The following ECI2 variants were observed in gnomAD, a reference collection of about 807,000 sequenced individuals.
The protein encoded by ECI2 is D3,D2-enoyl-CoA isomerase.
In ECI2, 27 loss-of-function variants were observed where a neutral mutation model predicts 38.4. That is an observed-to-expected ratio of 0.70 (90% confidence interval 0.52 to 0.97). The LOEUF is 0.97. ECI2 is among the 50% of genes least tolerant of loss of function. The pLI, the probability that ECI2 is intolerant of heterozygous loss-of-function variation, is 0.00. For synonymous variants in ECI2, 168 were observed against 172.0 expected (o/e 0.98, Z 0.18); for missense variants, 470 against 474.4 (o/e 0.99, Z 0.09).
rs112240029 is a variant in ECI2, at chr6:4,133,397, C to CAT, written c.213+150_213+151dup. The stretch of plus-strand genomic sequence containing the variant: ...TTCAAGGTCTAATATAAAAAACTGG[C>CAT]ATATATATATATACACACACACACT... On this transcript the variant is annotated intron_variant, in intron 2 of 9. Transcript: ENST00000380118. The CAT allele has an allele frequency of 4.0e-3, 3,051 of 766,146 alleles. 10 individuals carry two copies. The highest frequency in any genetic ancestry group is 0.015 in the African/African-American group (823 of 55,804). 47.5% of individuals were successfully genotyped at this position (766,146 alleles called of 1,614,324 possible). A position where few individuals can be genotyped will look rare whatever the true frequency, so the allele number is the denominator to read the frequency against.
At chr6:4,135,449 T>G in intron 1 of ECI2, 62 bp downstream of exon 1, 2 of 1,607,304 alleles carry the variant, frequency 1.2e-6, no homozygotes, top group African/African-American at 1.3e-5. Context: ...GCGGCGACCT[T>G]CGCCTGGACA....
rs186362845 is a variant in ECI2 at position 4,126,966 on chromosome 6, A to C, written c.572-729T>G. On this transcript the variant is annotated intron_variant, in intron 5 of 9. Transcript: ENST00000380118. ...AAAAGTTTCCCGTAGGCTCCTTCCT[A>C]GCTATCCCACCCCACCTGCTCCAAG... Among the ~76,000 whole-genome samples, 116 of 152,294 alleles carry C rather than the reference A, an allele frequency of 7.6e-4. 1 individual carries two copies. The highest frequency in any genetic ancestry group is 2.7e-3 in the African/African-American group (114 of 41,564).
At position 4,115,927 on chromosome 6, in the gene ECI2, C is replaced by G. The variant is rs1253375818; in HGVS notation, c.1132G>C (p.Asp378His). 6 of 1,614,216 alleles carry G rather than the reference C, an allele frequency of 3.7e-6. No individual in the cohort carries two copies. The Admixed American group carries it at 5.0e-5, about 13-fold the overall frequency. ...CNVLQGRWLS[D>H]ECTNAVVNFL... ...TTCACCACAGCATTTGTGCATTCAT[C>G]TGATAGCCATCTTCCCTGAAGGACA... Residue 378 changes from aspartate to histidine, a missense_variant, in exon 10 of 10, where the codon GAT becomes CAT. Asp to His is a moderately conservative substitution (Grantham distance 81). Coordinates refer to ENST00000380118, the MANE Select transcript of ECI2 (RefSeq NM_206836.3).
intron 1 of ECI2, chr6:4,135,173 C>T: frequency 1.7e-6 from 1 of 605,382 alleles, no homozygotes; most frequent in Non-Finnish European, 3.0e-6. Context: ...GAAGTGCAGG[C>T]CCGGGTGCTC....
At chr6:4,133,276 A>G (rs566218499) in intron 2 of ECI2, among the ~76,000 whole-genome samples, 1 of 152,114 alleles carries the variant, frequency 6.6e-6, no homozygotes, top group African/African-American at 2.4e-5. Context: ...GATTTATTCT[A>G]ATCAAGAGCT....
chr6:4,134,174 C>T (rs1169459427), intron 1 of ECI2, among the ~76,000 whole-genome samples: 1 of 152,220 alleles, frequency 6.6e-6, no homozygotes, highest in African/African-American at 2.4e-5. Context: ...GCTGGCGAAG[C>T]TGGTGTTCCA....
At chr6:4,130,582 A>G in intron 3 of ECI2, 22 bp from the exon 4 acceptor site, 2 of 1,614,132 alleles carry the variant, frequency 1.2e-6, no homozygotes, top group Non-Finnish European at 8.5e-7. Flanking sequence ...ATGACAAACA[A>G]CCTCAGCCCA....
intron 7 of ECI2, among the ~76,000 whole-genome samples, chr6:4,120,619 C>T (rs1224334305): frequency 2.0e-5 from 3 of 151,342 alleles, no homozygotes; most frequent in South Asian, 2.1e-4. Context: ...CCCAGCTACT[C>T]GGGAGGCTGA....
chr6:4,125,605 C>T, intron 6 of ECI2: 1 of 566,992 alleles, frequency 1.8e-6, no homozygotes, highest in Non-Finnish European at 3.1e-6. Flanking sequence ...ATGGGTCAAC[C>T]CTGGTTTGAA....
chr6:4,124,880 T>G, intron 7 of ECI2: 1 of 360,480 alleles, frequency 2.8e-6, no homozygotes, highest in African/African-American at 2.1e-5. Context: ...CTAAATCCAT[T>G]TACTCAGTAA....
intron 2 of ECI2, chr6:4,131,068 T>G (rs1773483756): frequency 6.2e-6 from 3 of 481,812 alleles, no homozygotes; most frequent in Non-Finnish European, 1.1e-5. Context: ...GGAAATAAAT[T>G]ATAACTGCCT....
intron 4 of ECI2, among the ~76,000 whole-genome samples, chr6:4,128,744 G>A (rs1307920157): frequency 2.0e-5 from 3 of 152,146 alleles, no homozygotes; most frequent in Admixed American, 6.6e-5. Context: ...ATTGTATTCA[G>A]TATTATAATA....
intron 7 of ECI2, 110 bp downstream of exon 7, chr6:4,125,140 T>TACC (rs1773057661): frequency 7.9e-6 from 12 of 1,509,926 alleles, no homozygotes; most frequent in Middle Eastern, 2.2e-4. Flanking sequence ...CAGTTAATTC[T>TACC]ACCACAAACA....
chr6:4,116,252 G>C (rs2113961804), intron 9 of ECI2, among the ~76,000 whole-genome samples: 1 of 152,026 alleles, frequency 6.6e-6, no homozygotes, highest in East Asian at 2.0e-4. Context: ...TCAGGAGGCT[G>C]AGTCAAGAGA....
In ECI2 at chr6:4,133,600, T is replaced by C; in HGVS notation, c.162A>G (p.Lys54=). ...ENSMNQVKLL[K]KDPGNEVKLK... ...GCTTCACTTCGTTTCCTGGATCCTT[T>C]TTCAAGAGTTTCACTTGATTCATTG... The change falls in exon 2 of 10, where the codon AAA becomes AAG. Residue 54 remains lysine, a synonymous_variant. Transcript: ENST00000380118. The C allele has an allele frequency of 6.2e-7, 1 of 1,614,068 alleles. No homozygotes were observed. The highest frequency in any genetic ancestry group is 8.5e-7 in the Non-Finnish European group (1 of 1,179,966).
chr6:4,130,951 A>G, intron 2 of ECI2, 86 bp from the exon 3 acceptor site: 1 of 1,253,890 alleles, frequency 8.0e-7, no homozygotes, highest in Non-Finnish European at 1.1e-6. Flanking sequence ...CTGTAAGTAC[A>G]TGAATGCCTC....
rs781346571 is a variant in ECI2 at position 4,126,218 on chromosome 6, A to T, written c.591T>A (p.Ser197Arg). ...TGAAGTTAGTCAGATCATTCCCACT[A>T]CTGTAATAGTCACCATTTCCTATAA... ...TVLTGNGDYY[S>R]SGNDLTNFTD... Residue 197 changes from serine to arginine, a missense_variant, in exon 6 of 10, where the codon AGT becomes AGA. By Grantham distance (110) the Ser-to-Arg change is moderately radical. Transcript: ENST00000380118. 21 of 1,612,478 alleles carry T rather than the reference A, an allele frequency of 1.3e-5. No individual in the cohort carries two copies. The East Asian group carries it at 4.7e-4, about 36-fold the overall frequency.
At chr6:4,131,163 C>T (rs1396847623) in intron 2 of ECI2, among the ~76,000 whole-genome samples, 1 of 152,140 alleles carries the variant, frequency 6.6e-6, no homozygotes, top group African/African-American at 2.4e-5. Flanking sequence ...TATTGGTAAT[C>T]ACATTTTCCA....
At chr6:4,127,496 A>C (rs689308) in intron 5 of ECI2, among the ~76,000 whole-genome samples, 44,411 of 146,928 alleles carry the variant, frequency 0.3, 6,803 homozygotes, top group Admixed American at 0.36. Flanking sequence ...GTCACTGCAA[A>C]CTTTGCCTTC....
Sources: gnomAD v4.1 joint callset for allele counts (sites outside exome capture counted in the v4.1 genomes callset) on GRCh38, gnomAD v4.1.1 for gene constraint, MANE v1.5 for transcripts, NCBI Gene and HGNC (gene_info 2026-07-23, HGNC 2026-07-21) for gene names.